TMTC2: variants seen among roughly 807,000 people sequenced by gnomAD.
TMTC2 encodes the protein transmembrane O-mannosyltransferase targeting cadherins 2.
Under a neutral mutation model 82.4 loss-of-function variants are expected in TMTC2, and 43 were observed. The observed-to-expected ratio is 0.52, with a 90% CI of 0.41 to 0.67. TMTC2 has a LOEUF of 0.67. TMTC2 is among the 30% of genes least tolerant of loss of function. TMTC2 has a pLI of 0.00. For missense variants in TMTC2, 919 were observed against 1,012.4 expected (o/e 0.91, Z 1.25); for synonymous variants, 408 against 381.9 (o/e 1.07, Z -0.80).
Position 82,896,345 on chromosome 12 carries a change from T to C in TMTC2, c.1182T>C (p.Val394=). 1.9e-6 allele frequency: 3 copies of C among 1,614,132 alleles called. No individual in the cohort carries two copies. The highest frequency in any genetic ancestry group is 2.5e-6 in the Non-Finnish European group (3 of 1,180,028). ...RTQLPSTENI[V]VLSLSLLIIP... ...AGCTTCCTTCTACGGAGAACATTGTTGTTCTGTCTTTATCTTTGTTAATCA... is the reference window on the plus strand; with the variant it reads ...AGCTTCCTTCTACGGAGAACATTGTCGTTCTGTCTTTATCTTTGTTAATCA... Residue 394 remains valine (V), a synonymous_variant, in exon 3 of 12, where the codon GTT becomes GTC. Coordinates refer to ENST00000321196, the MANE Select transcript of TMTC2 (RefSeq NM_152588.3).
intron 1 of TMTC2, among the ~76,000 whole-genome samples, chr12:82,710,489 T>C (rs1873571975): frequency 6.6e-6 from 1 of 152,254 alleles, no homozygotes. Context: ...TCTTCCCTTC[T>C]AGGCAGCCCA....
rs552472523 is a variant in TMTC2 at position 82,709,572 on chromosome 12, A to G, written c.83+21903A>G. 2.0e-5 allele frequency among the ~76,000 whole-genome samples: 3 copies of G among 152,342 alleles called. No homozygotes were observed. In the East Asian group the frequency reaches 5.8e-4, roughly 29 times the overall value. On this transcript the variant is annotated intron_variant, in intron 1 of 11. Transcript: ENST00000321196. Reference sequence around the variant, plus strand: ...AAACCTGCTCATTTGATTTTCAGTAAGAGTCTATTAAAAATTCTTAAATCA... The same window carrying G: ...AAACCTGCTCATTTGATTTTCAGTAGGAGTCTATTAAAAATTCTTAAATCA...
At chr12:82,867,973 T>G (rs929416629) in intron 2 of TMTC2, among the ~76,000 whole-genome samples, 4 of 152,230 alleles carry the variant, frequency 2.6e-5, no homozygotes, top group African/African-American at 9.6e-5. Context: ...CCTGCAGATT[T>G]AGATTTAAAT....
chr12:82,911,503 T>C (rs926638217), intron 3 of TMTC2, among the ~76,000 whole-genome samples: 3 of 152,234 alleles, frequency 2.0e-5, no homozygotes, highest in Non-Finnish European at 2.9e-5. Context: ...ATAAATATCA[T>C]GTGCTTGCTC....
At chr12:82,961,447 A>G (rs1877928726) in intron 4 of TMTC2, among the ~76,000 whole-genome samples, 1 of 152,058 alleles carries the variant, frequency 6.6e-6, no homozygotes, top group Admixed American at 6.6e-5. Flanking sequence ...TTTTACAGCA[A>G]AAAGAAACAT....
In TMTC2 at chr12:82,874,674, T is replaced by G. The variant is rs11115467; in HGVS notation, c.654+17094T>G. Among the ~76,000 whole-genome samples, 5 of 152,284 alleles carry G rather than the reference T, an allele frequency of 3.3e-5. No individual in the cohort carries two copies. In the East Asian group the frequency reaches 5.8e-4, roughly 18 times the overall value. ...TATCATGAAGTTATCTTTTCCATTA[T>G]CTTTTAAACTTAAATACAGTTAATA... is the stretch of plus-strand genomic sequence containing the variant. On this transcript the variant is annotated intron_variant, in intron 2 of 11. Coordinates refer to ENST00000321196, the MANE Select transcript of TMTC2 (RefSeq NM_152588.3).
chr12:83,031,408 C>G (rs1339250879), intron 9 of TMTC2, among the ~76,000 whole-genome samples: 1 of 152,136 alleles, frequency 6.6e-6, no homozygotes, highest in Non-Finnish European at 1.5e-5. Flanking sequence ...TAGCCTTGGC[C>G]TTAATCAGTC....
At chr12:82,714,406 G>A (rs1210793181) in intron 1 of TMTC2, among the ~76,000 whole-genome samples, 2 of 152,186 alleles carry the variant, frequency 1.3e-5, no homozygotes, top group African/African-American at 4.8e-5. Context: ...ATAGAAAAAT[G>A]CTCTTAAATG....
At chr12:83,097,173 A>G (rs1203753188) in intron 11 of TMTC2, among the ~76,000 whole-genome samples, 1 of 152,190 alleles carries the variant, frequency 6.6e-6, no homozygotes, top group Non-Finnish European at 1.5e-5. Context: ...TAGGGTCTCA[A>G]TTCAGGCTGC....
intron 7 of TMTC2, 42 bp downstream of exon 7, chr12:82,967,039 C>T (rs779058623): frequency 2.7e-6 from 4 of 1,479,844 alleles, no homozygotes; most frequent in Admixed American, 1.8e-5. Context: ...ATTTCAGGGA[C>T]CTGTGGAGAA....
intron 11 of TMTC2, among the ~76,000 whole-genome samples, chr12:83,094,198 A>G (rs1883944828): frequency 6.6e-6 from 1 of 152,226 alleles, no homozygotes; most frequent in Non-Finnish European, 1.5e-5. Context: ...GGCACCAAGT[A>G]TGGTTAGGCC....
At chr12:82,800,774 C>G (rs1371101252) in intron 1 of TMTC2, among the ~76,000 whole-genome samples, 1 of 152,102 alleles carries the variant, frequency 6.6e-6, no homozygotes, top group East Asian at 1.9e-4. Flanking sequence ...CGATTTTTAA[C>G]TGGTAGAGTC....
At chr12:82,761,195 TG>T (rs1412433638) in intron 1 of TMTC2, among the ~76,000 whole-genome samples, 18 of 152,182 alleles carry the variant, frequency 1.2e-4, no homozygotes, top group Non-Finnish European at 2.4e-4. Flanking sequence ...TGATCAAGTT[TG>T]TTAGCTTCTG....
intron 1 of TMTC2, among the ~76,000 whole-genome samples, chr12:82,842,551 T>C (rs993281328): frequency 6.6e-6 from 1 of 152,178 alleles, no homozygotes; most frequent in Non-Finnish European, 1.5e-5. Flanking sequence ...ATAAACAGTA[T>C]ATAGCATATG....
At chr12:82,909,471 C>T (rs1874502600) in intron 3 of TMTC2, among the ~76,000 whole-genome samples, 1 of 152,100 alleles carries the variant, frequency 6.6e-6, no homozygotes, top group Admixed American at 6.6e-5. Context: ...TCCCAAGTAG[C>T]TGGGATTACA....
intron 8 of TMTC2, among the ~76,000 whole-genome samples, chr12:83,004,722 A>ATTTTTTTTCTTTTTTTTTTTTT (rs1880078335): frequency 2.8e-5 from 1 of 36,016 alleles, no homozygotes; most frequent in Non-Finnish European, 5.3e-5. Flanking sequence ...TACTGGCCGA[A>ATTTTTTTTCTTTTTTTTTTTTT]TTTTTTTTTT....
chr12:82,787,802 T>G lies in TMTC2; in HGVS notation c.84-69208T>G, dbSNP rs141489582. On this transcript the variant is annotated intron_variant, in intron 1 of 11. Coordinates refer to ENST00000321196, the MANE Select transcript of TMTC2 (RefSeq NM_152588.3). ...GGTGTGTGCCCGTAGTCCCAGCTAC[T>G]TGGGAGGCTGAGGCAGGAGAATCGC... is the stretch of plus-strand genomic sequence containing the variant. Among the ~76,000 whole-genome samples, 439 of 151,998 alleles carry G rather than the reference T, an allele frequency of 2.9e-3. 2 individuals carry two copies. The highest frequency in any genetic ancestry group is 0.01 in the African/African-American group (424 of 41,498).
At chr12:82,777,589 T>C (rs1282344315) in intron 1 of TMTC2, among the ~76,000 whole-genome samples, 1 of 152,182 alleles carries the variant, frequency 6.6e-6, no homozygotes, top group African/African-American at 2.4e-5. Flanking sequence ...GTTAAACTTA[T>C]ATTGAATTCT....
chr12:82,692,333 C>T (rs1008509771), intron 1 of TMTC2, among the ~76,000 whole-genome samples: 1 of 152,182 alleles, frequency 6.6e-6, no homozygotes, highest in African/African-American at 2.4e-5. Context: ...ATACTGAATT[C>T]TCTTCTGCTA....
Sources: gnomAD v4.1 joint callset for allele counts (sites outside exome capture counted in the v4.1 genomes callset) on GRCh38, gnomAD v4.1.1 for gene constraint, MANE v1.5 for transcripts, NCBI Gene and HGNC (gene_info 2026-07-23, HGNC 2026-07-21) for gene names.